The following PLEKHH1 variants were observed in gnomAD, a reference collection of about 807,000 sequenced individuals.
PLEKHH1 encodes the protein pleckstrin homology, MyTH4 and FERM domain containing H1.
Under a neutral mutation model 160.0 loss-of-function variants are expected in PLEKHH1, and 104 were observed. That is an observed-to-expected ratio of 0.65 (90% CI 0.55 to 0.76). The LOEUF is 0.76. PLEKHH1 is among the 30% of genes least tolerant of loss of function. PLEKHH1 has a pLI of 0.00. For missense variants in PLEKHH1, 1,427 were observed against 1,724.1 expected, an observed-to-expected ratio of 0.83 and a Z score of 3.05; for synonymous variants, 619 against 678.4, an observed-to-expected ratio of 0.91 and a Z score of 1.36.
chr14:67,575,248 T>C, intron 14 of PLEKHH1, 144 bp from the exon 15 acceptor site: 1 of 580,528 alleles, frequency 1.7e-6, no homozygotes, highest in South Asian at 2.2e-5. Context: ...GTGAAAGGGG[T>C]GGTTCCATTA....
chr14:67,576,079 G>A lies in PLEKHH1; in HGVS notation c.2352+74G>A. 8 of 1,222,050 alleles carry A rather than the reference G, an allele frequency of 6.5e-6. No individual in the cohort carries two copies. The highest frequency in any genetic ancestry group is 9.2e-6 in the Non-Finnish European group (8 of 866,228). 75.7% of individuals were successfully genotyped at this position (1,222,050 alleles called of 1,614,324 possible). ...TGATCTTCCCTTCTCTCTTTCTCCT[G>A]AGCTTCCCAAAATTCAAATTTATTT... On this transcript the variant is annotated intron_variant, in intron 16 of 28. Transcript: ENST00000329153. The surrounding 1 kb of genome is among the most constrained non-coding windows in gnomAD (Gnocchi z 4.0).
chr14:67,541,810 C>A, intron 1 of PLEKHH1, 24 bp from the exon 2 acceptor site: 1 of 1,467,318 alleles, frequency 6.8e-7, no homozygotes, highest in South Asian at 1.3e-5. Context: ...TTATCTTTTC[C>A]TCTTTCTGCA....
chr14:67,577,930 C>A (rs2035699389), intron 18 of PLEKHH1, 93 bp from the exon 19 acceptor site: 13 of 1,177,796 alleles, frequency 1.1e-5, no homozygotes, highest in Non-Finnish European at 1.6e-5. Context: ...TAAACTCTAA[C>A]CTCCCTGGAG....
chr14:67,545,093 C>T (rs912212396), intron 2 of PLEKHH1, among the ~76,000 whole-genome samples: 1 of 152,200 alleles, frequency 6.6e-6, no homozygotes, highest in Admixed American at 6.5e-5. Context: ...CTTTCTTTCT[C>T]ATGTAACCTT....
rs376309692 is a variant in PLEKHH1 at position 67,569,837 on chromosome 14, G to A, written c.1343-84G>A. 1.9e-5 allele frequency: 16 copies of A among 834,510 alleles called. No individual in the cohort carries two copies. In the East Asian group the frequency reaches 3.7e-4, roughly 19 times the overall value. 51.7% of individuals were successfully genotyped at this position (834,510 alleles called of 1,614,324 possible). ...TCACTGGCCTGCTCCTGGAGGGAAT[G>A]CCATCTGCCCAGTTCTCTGCTTCCC... On this transcript the variant is annotated intron_variant, in intron 8 of 28. Transcript: ENST00000329153.
rs762402048 is a variant in PLEKHH1 at position 67,577,305 on chromosome 14, C to T, written c.2465C>T (p.Ser822Leu). The change falls in exon 18 of 29, where the codon TCG becomes TTG. Residue 822 changes from serine to leucine, a missense_variant. Around this residue, in one of 6 missense-constraint regions of PLEKHH1, gnomAD observed 436 missense variants for 607.5 expected, o/e 0.72. Transcript: ENST00000329153. ...TCTGGTTCCGTGCTTTGGGCAGATT[C>T]GCCGCTCTGGAGGCACCCCATGCTG... ...KLMDGEGDPD[S>L]PLWRHPMLCY... is the part of the protein sequence containing the mutation. 5.4e-5 allele frequency: 85 copies of T among 1,560,998 alleles called. No individual in the cohort carries two copies. Among genetic ancestry groups the T allele is most frequent in the Non-Finnish European group, 6.5e-5 (75 of 1,152,966 alleles).
chr14:67,581,274 G>GCACACA (rs71129838), intron 23 of PLEKHH1, among the ~76,000 whole-genome samples: 42 of 148,080 alleles, frequency 2.8e-4, no homozygotes, highest in South Asian at 1.1e-3. Flanking sequence ...GTGTGTATAT[G>GCACACA]CACACACACA....
At chr14:67,568,940 GGTAA>G in intron 7 of PLEKHH1, 194 bp from the exon 8 acceptor site, 2 of 556,188 alleles carry the variant, frequency 3.6e-6, no homozygotes, top group East Asian at 3.1e-5. Flanking sequence ...CAGCCTGAAA[GGTAA>G]GTATTATTAC....
rs145778193 is a variant in PLEKHH1 at position 67,577,309 on chromosome 14, G to T, written c.2469G>T (p.Pro823=). The change falls in exon 18 of 29, where the codon CCG becomes CCT. Residue 823 remains proline (P), a synonymous_variant. Transcript: ENST00000329153. ...GTTCCGTGCTTTGGGCAGATTCGCC[G>T]CTCTGGAGGCACCCCATGCTGTGCT... ...LMDGEGDPDS[P]LWRHPMLCYS... 21 of 1,564,836 alleles carry T rather than the reference G, an allele frequency of 1.3e-5. No homozygotes were observed. Among genetic ancestry groups the T allele is most frequent in the Admixed American group, 1.9e-5 (1 of 53,154 alleles).
intron 2 of PLEKHH1, among the ~76,000 whole-genome samples, chr14:67,542,470 C>A (rs2034008348): frequency 6.6e-6 from 1 of 152,138 alleles, no homozygotes; most frequent in Non-Finnish European, 1.5e-5. Flanking sequence ...GCTAGATGAC[C>A]CTGGGCAAGT....
Position 67,547,137 on chromosome 14 carries a change from A to C in PLEKHH1, c.126+5144A>C, listed in dbSNP as rs150396960. 3.2e-4 allele frequency among the ~76,000 whole-genome samples: 48 copies of C among 152,272 alleles called. 1 individual carries two copies. The South Asian group carries it at 6.0e-3, about 19-fold the overall frequency. ...CTTCACATGGAAATGTTAGGGGTGC[A>C]TAGTGTGATGAGTCAAGAAAGGGGA... On this transcript the variant is annotated intron_variant, in intron 2 of 28. Coordinates refer to ENST00000329153, the MANE Select transcript of PLEKHH1 (RefSeq NM_020715.3).
In PLEKHH1 at chr14:67,576,066, C is replaced by A; in HGVS notation, c.2352+61C>A. ...GGACCTGTGATTCTGATCTTCCCTT[C>A]TCTCTTTCTCCTGAGCTTCCCAAAA... is the stretch of plus-strand genomic sequence containing the variant. On this transcript the variant is annotated intron_variant, in intron 16 of 28. Transcript: ENST00000329153. The surrounding 1 kb of genome is among the most constrained non-coding windows in gnomAD (Gnocchi z 4.0). The A allele has an allele frequency of 7.5e-7, 1 of 1,333,990 alleles. No individual in the cohort carries two copies. The highest frequency in any genetic ancestry group is 1.0e-6 in the Non-Finnish European group (1 of 959,354). The allele number at this position is 1,333,990 out of a possible 1,614,324, so 82.6% of individuals were successfully genotyped here.
At chr14:67,551,584 TC>T (rs1361858354) in intron 2 of PLEKHH1, among the ~76,000 whole-genome samples, 4 of 152,116 alleles carry the variant, frequency 2.6e-5, no homozygotes, top group African/African-American at 9.7e-5. Context: ...TGCCATTCTC[TC>T]CCGTGGGTGC....
At chr14:67,586,137 A>C in intron 28 of PLEKHH1, 40 bp downstream of exon 28, 1 of 1,607,882 alleles carries the variant, frequency 6.2e-7, no homozygotes, top group Non-Finnish European at 8.5e-7. Context: ...CTCTGGCAAG[A>C]TGTGGTGGGC....
Position 67,572,141 on chromosome 14 carries a change from C to T in PLEKHH1, c.1592C>T (p.Ser531Phe), listed in dbSNP as rs994929844. 1 of 1,606,532 alleles carries T rather than the reference C, an allele frequency of 6.2e-7. No individual in the cohort carries two copies. The highest frequency in any genetic ancestry group is 1.3e-5 in the African/African-American group (1 of 74,922). Residue 531 changes from serine (S) to phenylalanine (F), a missense_variant, in exon 11 of 29, where the codon TCC (serine) becomes TTC (phenylalanine). Physicochemically the swap from Ser to Phe is radical, Grantham distance 155. Around this residue, in one of 6 missense-constraint regions of PLEKHH1, gnomAD observed 831 missense variants for 929.2 expected, o/e 0.89. Transcript: ENST00000329153. ...CTCCTCCTCCCTCGGCAAGGCGTCT[C>T]CATGTCCTCACTGAGCTCCGAGGGT... Reference protein sequence around the residue: ...GSPRAIKRGVSMSSLSSEGDY... With the variant: ...GSPRAIKRGVFMSSLSSEGDY...
Position 67,582,688 on chromosome 14 carries a change from T to C in PLEKHH1, c.3426+478T>C, listed in dbSNP as rs1242184480. Among the ~76,000 whole-genome samples the C allele has an allele frequency of 6.6e-6, 1 of 151,940 alleles. No individual in the cohort carries two copies. Among genetic ancestry groups the C allele is most frequent in the East Asian group, 1.9e-4 (1 of 5,188 alleles). On this transcript the variant is annotated intron_variant, in intron 24 of 28. Transcript: ENST00000329153. This position sits in a 1 kb window ranked among gnomAD's most constrained non-coding sequence, Gnocchi z 5.0. ...AAATAAAATAAAATAAAAATAAAAATTAGCTGGGTGTGGTGGTGGGCGCCT... is the reference window on the plus strand; with the variant it reads ...AAATAAAATAAAATAAAAATAAAAACTAGCTGGGTGTGGTGGTGGGCGCCT...
In PLEKHH1 at chr14:67,582,946, CATA is replaced by C. The variant is rs549682513; in HGVS notation, c.3426+738_3426+740del. On this transcript the variant is annotated intron_variant, in intron 24 of 28. Transcript: ENST00000329153. The surrounding 1 kb of genome is among the most constrained non-coding windows in gnomAD (Gnocchi z 5.0). The stretch of plus-strand genomic sequence containing the variant: ...ATCATGTAATGTATGTGGTAAACTT[CATA>C]AACCATCAGACCTTCTAAGTAGACT... 3.9e-5 allele frequency among the ~76,000 whole-genome samples: 6 copies of C among 152,294 alleles called. No homozygotes were observed. The South Asian group carries it at 1.0e-3, about 26-fold the overall frequency.
chr14:67,546,921 T>C (rs1220345786), intron 2 of PLEKHH1, among the ~76,000 whole-genome samples: 2 of 152,198 alleles, frequency 1.3e-5, no homozygotes, highest in Admixed American at 6.5e-5. Flanking sequence ...TATTTCATAA[T>C]AAATGTTTTA....
Position 67,574,135 on chromosome 14 carries a change from A to G in PLEKHH1, c.1927-107A>G. Reference sequence around the variant, plus strand: ...GAAAGGAGGGAGCACTAGGGCAGGCAGAAGGCCAGCCCCTTGGGTTCAGGG... The same window carrying G: ...GAAAGGAGGGAGCACTAGGGCAGGCGGAAGGCCAGCCCCTTGGGTTCAGGG... On this transcript the variant is annotated intron_variant, in intron 13 of 28. Coordinates refer to ENST00000329153, the MANE Select transcript of PLEKHH1 (RefSeq NM_020715.3). The surrounding 1 kb of genome is among the most constrained non-coding windows in gnomAD (Gnocchi z 4.2). 1.0e-6 allele frequency: 1 copy of G among 989,146 alleles called. No homozygotes were observed. The highest frequency in any genetic ancestry group is 1.5e-6 in the Non-Finnish European group (1 of 676,462). 61.3% of individuals were successfully genotyped at this position (989,146 alleles called of 1,614,324 possible). A position where few individuals can be genotyped will look rare whatever the true frequency, so the allele number is the denominator to read the frequency against.
Sources: allele counts gnomAD v4.1 joint callset (sites outside exome capture counted in the v4.1 genomes callset), GRCh38; gene constraint gnomAD v4.1.1; regional missense constraint gnomAD v4.1.1; non-coding constraint Gnocchi (gnomAD v3.1); transcripts MANE v1.5; gene names NCBI Gene and HGNC (gene_info 2026-07-23, HGNC 2026-07-21).